The following CDKN2AIP variants were observed in gnomAD, a reference collection of about 807,000 sequenced individuals.
CDKN2AIP encodes the protein CDKN2A interacting protein.
CDKN2AIP carries 12 observed loss-of-function variants against 44.1 expected under a neutral mutation model. The observed-to-expected ratio is 0.27, with a 90% CI of 0.17 to 0.44. The LOEUF (loss-of-function observed/expected upper bound fraction) is 0.44, where lower values mean the gene tolerates loss of function less well. Ranked by LOEUF, CDKN2AIP falls within the 20% of genes least tolerant of loss-of-function variation. The pLI is 1.00. For synonymous variants in CDKN2AIP, 291 were observed against 272.1 expected (o/e 1.07, Z -0.68); for missense variants, 705 against 681.6 (o/e 1.03, Z -0.38).
Position 183,446,256 on chromosome 4 carries a change from C to G in CDKN2AIP, c.572C>G (p.Ala191Gly), listed in dbSNP as rs1733668582. Residue 191 changes from alanine (A) to glycine (G), a missense_variant, in exon 3 of 3, where the codon GCT becomes GGT. Around this residue, in one of 2 missense-constraint regions of CDKN2AIP, gnomAD observed 592 missense variants for 518.0 expected, o/e 1.14. Coordinates refer to ENST00000504169, the MANE Select transcript of CDKN2AIP (RefSeq NM_017632.4). ...SAIKSESGNS[A>G]RSSGISSQNS... ...ATCAAATCAGAGAGTGGGAACTCAG[C>G]TCGGAGCTCTGGCATCTCCAGTCAG... 1 of 1,613,830 alleles carries G rather than the reference C, an allele frequency of 6.2e-7. No homozygotes were observed. The highest frequency in any genetic ancestry group is 1.3e-5 in the African/African-American group (1 of 74,928).
At position 183,447,712 on chromosome 4, in the gene CDKN2AIP, G is replaced by A. The variant is rs754579957; in HGVS notation, c.*285G>A. 2.3e-5 allele frequency: 5 copies of A among 221,496 alleles called. No individual in the cohort carries two copies. The highest frequency in any genetic ancestry group is 5.5e-5 in the Admixed American group (1 of 18,256). The allele number at this position is 221,496 out of a possible 1,614,324, so 13.7% of individuals were successfully genotyped here. A position where few individuals can be genotyped will look rare whatever the true frequency, so the allele number is the denominator to read the frequency against. On this transcript the variant is annotated 3_prime_UTR_variant, in exon 3 of 3. Transcript: ENST00000504169. ...ATACATTAGGTACGATGTGTAGTTCGGTAGAGTCCTAAAATTTTTGTACTA... is the reference window on the plus strand; with the variant it reads ...ATACATTAGGTACGATGTGTAGTTCAGTAGAGTCCTAAAATTTTTGTACTA...
Position 183,446,628 on chromosome 4 carries a change from C to G in CDKN2AIP, c.944C>G (p.Ala315Gly). 1 of 1,613,846 alleles carries G rather than the reference C, an allele frequency of 6.2e-7. No individual in the cohort carries two copies. Among genetic ancestry groups the G allele is most frequent in the South Asian group, 1.1e-5 (1 of 91,080 alleles). ...TCTTCCAAACCTAGTTCAGAGACAG[C>G]TTCAAGTGGGTTAACTTCCAAAACT... ...LLSSKPSSET[A>G]SSGLTSKTSS... Residue 315 changes from alanine to glycine, a missense_variant, in exon 3 of 3, where the codon GCT becomes GGT. By Grantham distance (60) the Ala-to-Gly change is moderately conservative. This residue lies in a region of CDKN2AIP where 592 missense variants were observed against 518.0 expected (regional missense o/e 1.14). Transcript: ENST00000504169.
At position 183,447,066 on chromosome 4, in the gene CDKN2AIP, T is replaced by C; in HGVS notation, c.1382T>C (p.Val461Ala). The C allele has an allele frequency of 6.2e-7, 1 of 1,614,030 alleles. No individual in the cohort carries two copies. The highest frequency in any genetic ancestry group is 1.6e-4 in the Middle Eastern group (1 of 6,062). Residue 461 changes from valine to alanine, a missense_variant, in exon 3 of 3, where the codon GTG becomes GCG. Val to Ala is a moderately conservative substitution (Grantham distance 64). Transcript: ENST00000504169. Reference protein sequence around the residue: ...LVAVGGFSPNVNHGELLNAAI... With the variant: ...LVAVGGFSPNANHGELLNAAI... ...GCTGTTGGTGGCTTTAGTCCCAATG[T>C]GAATCATGGAGAGCTCCTAAATGCA...
chr4:183,445,586 A>C lies in CDKN2AIP; in HGVS notation c.324A>C (p.Lys108Asn), dbSNP rs1384940754. ...DKILSMAEGI[K>N]VTDAPTYTTR... ...TACTTAGTATGGCTGAAGGCATCAA[A>C]GTGACAGATGCTCCAACCTATACAA... Residue 108 changes from lysine to asparagine, a missense_variant, in exon 2 of 3, where the codon AAA (lysine) becomes AAC (asparagine). Coordinates refer to ENST00000504169, the MANE Select transcript of CDKN2AIP (RefSeq NM_017632.4). The C allele has an allele frequency of 8.7e-6, 14 of 1,609,016 alleles. No homozygotes were observed. Among genetic ancestry groups the C allele is most frequent in the Non-Finnish European group, 1.2e-5 (14 of 1,175,332 alleles).
Position 183,447,079 on chromosome 4 carries a change from GCTC to G in CDKN2AIP, c.1398_1400del (p.Leu467del). On this transcript the variant is annotated inframe_deletion, in exon 3 of 3. Transcript: ENST00000504169. ...TTAGTCCCAATGTGAATCATGGAGA[GCTC>G]CTAAATGCAGCTATTGAGGCTCTGA... 1 of 1,614,032 alleles carries G rather than the reference GCTC, an allele frequency of 6.2e-7. No individual in the cohort carries two copies. Among genetic ancestry groups the G allele is most frequent in the Non-Finnish European group, 8.5e-7 (1 of 1,179,924 alleles).
In CDKN2AIP at chr4:183,447,174, C is replaced by G. The variant is rs1013625715; in HGVS notation, c.1490C>G (p.Ser497Cys). ...GCAGATCTGCCTCAAAATAAGAGCT[C>G]TCAAGAAAGTATTGTTTGTGAATTG... ...ELADLPQNKS[S>C]QESIVCELRC... Residue 497 changes from serine (S) to cysteine (C), a missense_variant, in exon 3 of 3, where the codon TCT (serine) becomes TGT (cysteine). Physicochemically the swap from Ser to Cys is moderately radical, Grantham distance 112. Around this residue, in one of 2 missense-constraint regions of CDKN2AIP, gnomAD observed 113 missense variants for 163.6 expected, o/e 0.69. Coordinates refer to ENST00000504169, the MANE Select transcript of CDKN2AIP (RefSeq NM_017632.4). 6.2e-7 allele frequency: 1 copy of G among 1,614,074 alleles called. No homozygotes were observed. The highest frequency in any genetic ancestry group is 1.6e-4 in the Middle Eastern group (1 of 6,062).
rs1012159416 is a variant in CDKN2AIP, at chr4:183,445,524, T to A, written c.273-11T>A. On this transcript the variant is annotated splice_polypyrimidine_tract_variant and intron_variant, in intron 1 of 2. Coordinates refer to ENST00000504169, the MANE Select transcript of CDKN2AIP (RefSeq NM_017632.4). ...AACACTTTTTAAAAATGACTTTTCCTTCTTTTTCAGATACCCTCAAAAAGT... is the reference window on the plus strand; with the variant it reads ...AACACTTTTTAAAAATGACTTTTCCATCTTTTTCAGATACCCTCAAAAAGT... 3.7e-6 allele frequency: 6 copies of A among 1,607,288 alleles called. No individual in the cohort carries two copies. The highest frequency in any genetic ancestry group is 5.1e-6 in the Non-Finnish European group (6 of 1,174,534).
At chr4:183,445,879 T>C (rs1733655253) in intron 2 of CDKN2AIP, 1 of 637,430 alleles carries the variant, frequency 1.6e-6, no homozygotes, top group East Asian at 2.7e-5. Flanking sequence ...AAGTGTCCAC[T>C]GTTGTCTGAT....
chr4:183,446,499 G>C lies in CDKN2AIP; in HGVS notation c.815G>C (p.Ser272Thr). ...CAACAAAGTGGATCACCTAAAAAGA[G>C]TGCTTTGGAAGGCTCTTCAGCCTCA... ...SRQQSGSPKK[S>T]ALEGSSASAS... is the part of the protein sequence containing the mutation. The change falls in exon 3 of 3, where the codon AGT becomes ACT. Residue 272 changes from serine (S) to threonine (T), a missense_variant. By Grantham distance (58) the Ser-to-Thr change is moderately conservative. Coordinates refer to ENST00000504169, the MANE Select transcript of CDKN2AIP (RefSeq NM_017632.4). 6.2e-7 allele frequency: 1 copy of C among 1,613,858 alleles called. No homozygotes were observed. The highest frequency in any genetic ancestry group is 8.5e-7 in the Non-Finnish European group (1 of 1,179,730).
At chr4:183,445,759 G>T in intron 2 of CDKN2AIP, 94 bp downstream of exon 2, 5 of 974,440 alleles carry the variant, frequency 5.1e-6, no homozygotes, top group East Asian at 2.5e-5. Context: ...TAACAAGCCA[G>T]AATTTTTATG....
chr4:183,445,936 G>A, intron 2 of CDKN2AIP, 152 bp from the exon 3 acceptor site: 1 of 698,160 alleles, frequency 1.4e-6, no homozygotes, highest in Non-Finnish European at 2.4e-6. Flanking sequence ...ATTCAACACT[G>A]TTTTAAGAAA....
rs767343115 is a variant in CDKN2AIP, at chr4:183,446,769, G to A, written c.1085G>A (p.Ser362Asn). 2 of 1,614,140 alleles carry A rather than the reference G, an allele frequency of 1.2e-6. No individual in the cohort carries two copies. Among genetic ancestry groups the A allele is most frequent in the Non-Finnish European group, 8.5e-7 (1 of 1,180,014 alleles). The change falls in exon 3 of 3, where the codon AGC (serine) becomes AAC (asparagine). Residue 362 changes from serine (S) to asparagine (N), a missense_variant. Coordinates refer to ENST00000504169, the MANE Select transcript of CDKN2AIP (RefSeq NM_017632.4). Reference sequence around the variant, plus strand: ...AATACATCGCTGCTAACTTCCAAGAGCACTTCCCAGGTAGCTGCATCACTA... The same window carrying A: ...AATACATCGCTGCTAACTTCCAAGAACACTTCCCAGGTAGCTGCATCACTA... ...STNTSLLTSK[S>N]TSQVAASLLA...
In CDKN2AIP at chr4:183,446,565, G is replaced by A; in HGVS notation, c.881G>A (p.Gly294Asp). Residue 294 changes from glycine to aspartate, a missense_variant, in exon 3 of 3, where the codon GGC becomes GAC. Around this residue, in one of 2 missense-constraint regions of CDKN2AIP, gnomAD observed 592 missense variants for 518.0 expected, o/e 1.14. Transcript: ENST00000504169. ...SSSEIEVPLL[G>D]SSGSSEVELP... ...TCAGAGATCGAGGTGCCCTTGTTGG[G>A]CTCCTCAGGAAGCTCAGAGGTAGAA... 1.9e-6 allele frequency: 3 copies of A among 1,614,082 alleles called. No homozygotes were observed. The highest frequency in any genetic ancestry group is 2.5e-6 in the Non-Finnish European group (3 of 1,179,928).
intron 1 of CDKN2AIP, 176 bp downstream of exon 1, chr4:183,445,245 A>G (rs1012035155): frequency 2.0e-5 from 15 of 762,382 alleles, no homozygotes; most frequent in Non-Finnish European, 3.1e-5. Context: ...AGGAGCCGAC[A>G]TGATTCCCGG....
In CDKN2AIP at chr4:183,448,435, C is replaced by T. The variant is rs1264905067; in HGVS notation, c.*1008C>T. Among the ~76,000 whole-genome samples, 2 of 151,992 alleles carry T rather than the reference C, an allele frequency of 1.3e-5. No homozygotes were observed. Among genetic ancestry groups the T allele is most frequent in the African/African-American group, 2.4e-5 (1 of 41,376 alleles). On this transcript the variant is annotated 3_prime_UTR_variant, in exon 3 of 3. Transcript: ENST00000504169. ...TAGAATACCGGAAAGAACAGAGAGC[C>T]GTGTTCAGCTCTTGATAATGAGCCT...
chr4:183,445,613 A>G lies in CDKN2AIP; in HGVS notation c.351A>G (p.Thr117=). 6.2e-7 allele frequency: 1 copy of G among 1,609,808 alleles called. No homozygotes were observed. Among genetic ancestry groups the G allele is most frequent in the Non-Finnish European group, 8.5e-7 (1 of 1,175,968 alleles). The change falls in exon 2 of 3, where the codon ACA becomes ACG. Residue 117 remains threonine (T), a synonymous_variant. Coordinates refer to ENST00000504169, the MANE Select transcript of CDKN2AIP (RefSeq NM_017632.4). The part of the protein sequence containing the change: ...IKVTDAPTYT[T]RDELVAKVKK... ...TGACAGATGCTCCAACCTATACAAC[A>G]AGAGATGAACTGGTTGCCAAGGTGA...
rs1733724725 is a variant in CDKN2AIP at position 183,448,218 on chromosome 4, A to C, written c.*791A>C. On this transcript the variant is annotated 3_prime_UTR_variant, in exon 3 of 3. Transcript: ENST00000504169. The stretch of plus-strand genomic sequence containing the variant: ...CAAGAAGTTGTGTTTTTTTTCTCCA[A>C]GTCAGAACCAATTCCTGCAAATAGG... The C allele has an allele frequency of 6.6e-6, 1 of 152,176 alleles. No homozygotes were observed. Among genetic ancestry groups the C allele is most frequent in the Non-Finnish European group, 1.5e-5 (1 of 68,010 alleles). 9.4% of individuals were successfully genotyped at this position (152,176 alleles called of 1,614,324 possible).
In CDKN2AIP at chr4:183,448,098, C is replaced by T. The variant is rs1327276085; in HGVS notation, c.*671C>T. 6.6e-6 allele frequency: 1 copy of T among 152,114 alleles called. No homozygotes were observed. The highest frequency in any genetic ancestry group is 1.5e-5 in the Non-Finnish European group (1 of 67,996). 9.4% of individuals were successfully genotyped at this position (152,114 alleles called of 1,614,324 possible). On this transcript the variant is annotated 3_prime_UTR_variant, in exon 3 of 3. Coordinates refer to ENST00000504169, the MANE Select transcript of CDKN2AIP (RefSeq NM_017632.4). ...ACAATTTACACTTTTTTCTTAAAAA[C>T]ATGAATGTGGGTTTCTATATTAAGC...
At chr4:183,445,786 A>T in intron 2 of CDKN2AIP, 121 bp downstream of exon 2, 1 of 804,288 alleles carries the variant, frequency 1.2e-6, no homozygotes, top group African/African-American at 1.7e-5. Flanking sequence ...ATAAGTAATA[A>T]AGTTGGAATG....
Sources: allele counts gnomAD v4.1 joint callset (sites outside exome capture counted in the v4.1 genomes callset), GRCh38; gene constraint gnomAD v4.1.1; regional missense constraint gnomAD v4.1.1; transcripts MANE v1.5; gene names NCBI Gene and HGNC (gene_info 2026-07-23, HGNC 2026-07-21).